BLOC1S5: variants seen among roughly 807,000 people sequenced by gnomAD.
BLOC1S5 encodes biogenesis of lysosome-related organelles complex 1 subunit 5.
In BLOC1S5, 27 loss-of-function variants were observed where a neutral mutation model predicts 24.3. The ratio of observed to expected loss-of-function variants is 1.11; its 90% CI spans 0.82 to 1.53. The LOEUF is 1.53. Ranked by LOEUF, BLOC1S5 falls within the 40% of genes most tolerant of loss-of-function variation. BLOC1S5 has a pLI of 0.00. For missense variants in BLOC1S5, 239 were observed against 229.4 expected, an observed-to-expected ratio of 1.04 and a Z score of -0.27; for synonymous variants, 84 against 74.5, an observed-to-expected ratio of 1.13 and a Z score of -0.66.
At chr6:8,019,781 A>G (rs749553286) in intron 4 of BLOC1S5, among the ~76,000 whole-genome samples, 4 of 152,238 alleles carry the variant, frequency 2.6e-5, no homozygotes, top group African/African-American at 7.2e-5. Context: ...AATACTGCAC[A>G]TGAAAAGCCC....
chr6:8,014,166 A>G lies in BLOC1S5; in HGVS notation c.*1483T>C, dbSNP rs1367868090. The G allele has an allele frequency of 6.6e-6, 1 of 152,240 alleles. No homozygotes were observed. The highest frequency in any genetic ancestry group is 2.4e-5 in the African/African-American group (1 of 41,460). The allele number at this position is 152,240 out of a possible 1,614,324, so 9.4% of individuals were successfully genotyped here. A position where few individuals can be genotyped will look rare whatever the true frequency, so the allele number is the denominator to read the frequency against. On this transcript the variant is annotated 3_prime_UTR_variant, in exon 5 of 5. Transcript: ENST00000397457. ...TCTTTACTAAAGAGCAATAAAAAATATGTGAAAGATTTATCCATACCTCAA... is the reference window on the plus strand; with the variant it reads ...TCTTTACTAAAGAGCAATAAAAAATGTGTGAAAGATTTATCCATACCTCAA...
chr6:8,043,186 C>T (rs958968604), intron 2 of BLOC1S5, among the ~76,000 whole-genome samples: 19 of 152,108 alleles, frequency 1.2e-4, no homozygotes, highest in African/African-American at 3.1e-4. Context: ...AGAGCAAAAC[C>T]ACCCTCCCTG....
In BLOC1S5 at chr6:8,015,345, T is replaced by G. The variant is rs965940004; in HGVS notation, c.*304A>C. ...CTTTCTAAGAAGTCTATACCTACAG[T>G]TCTCTGAGCTAATCAATGGAAAAGA... On this transcript the variant is annotated 3_prime_UTR_variant, in exon 5 of 5. Coordinates refer to ENST00000397457, the MANE Select transcript of BLOC1S5 (RefSeq NM_201280.3). The G allele has an allele frequency of 3.7e-6, 1 of 271,014 alleles. No homozygotes were observed. The highest frequency in any genetic ancestry group is 7.4e-5 in the East Asian group (1 of 13,468). 16.8% of individuals were successfully genotyped at this position (271,014 alleles called of 1,614,324 possible).
At chr6:8,027,451 T>C (rs1473861607) in intron 3 of BLOC1S5, 1 of 456,628 alleles carries the variant, frequency 2.2e-6, no homozygotes, top group African/African-American at 2.0e-5. Context: ...TGACATAAAA[T>C]TTAAATGAGA....
intron 4 of BLOC1S5, among the ~76,000 whole-genome samples, chr6:8,025,406 A>G (rs1036976000): frequency 1.3e-5 from 2 of 152,204 alleles, no homozygotes; most frequent in Non-Finnish European, 2.9e-5. Context: ...CCCTGACCAC[A>G]GCTCTGCCTT....
intron 2 of BLOC1S5, among the ~76,000 whole-genome samples, chr6:8,044,546 C>G (rs1763810057): frequency 6.6e-6 from 1 of 152,036 alleles, no homozygotes; most frequent in African/African-American, 2.4e-5. Flanking sequence ...TTGGAGGGCT[C>G]AGAAGAAGAC....
intron 4 of BLOC1S5, among the ~76,000 whole-genome samples, chr6:8,019,913 G>C (rs1762865064): frequency 6.6e-6 from 1 of 152,134 alleles, no homozygotes; most frequent in Non-Finnish European, 1.5e-5. Flanking sequence ...CTGATAATAA[G>C]GGAAGAATAA....
chr6:8,027,295 T>G (rs1171843650), intron 3 of BLOC1S5: 2 of 455,626 alleles, frequency 4.4e-6, no homozygotes, highest in Non-Finnish European at 8.8e-6. Flanking sequence ...CTTGGGCATG[T>G]TTGCTCGCTC....
intron 2 of BLOC1S5, among the ~76,000 whole-genome samples, chr6:8,048,330 G>C (rs889967422): frequency 3.2e-4 from 49 of 152,284 alleles, no homozygotes; most frequent in African/African-American, 1.0e-3. Flanking sequence ...ACCTCCCACT[G>C]GGATGTAGAA....
intron 2 of BLOC1S5, among the ~76,000 whole-genome samples, chr6:8,045,756 C>T (rs571859358): frequency 5.9e-5 from 9 of 152,164 alleles, no homozygotes; most frequent in Admixed American, 2.0e-4. Context: ...ACTGTAATCC[C>T]TTTGTTTTGG....
intron 2 of BLOC1S5, among the ~76,000 whole-genome samples, chr6:8,054,669 G>C (rs1764252952): frequency 6.6e-6 from 1 of 152,190 alleles, no homozygotes; most frequent in Admixed American, 6.5e-5. Flanking sequence ...CATTTTGTCT[G>C]GATGCCCAGA....
Position 8,062,485 on chromosome 6 carries a change from A to T in BLOC1S5, c.195+49T>A, listed in dbSNP as rs752624365. The T allele has an allele frequency of 2.6e-6, 3 of 1,158,768 alleles. No individual in the cohort carries two copies. The South Asian group carries it at 4.3e-5, about 17-fold the overall frequency. 71.8% of individuals were successfully genotyped at this position (1,158,768 alleles called of 1,614,324 possible). A position where few individuals can be genotyped will look rare whatever the true frequency, so the allele number is the denominator to read the frequency against. ...GGGAATTTCTCTTCTGTATAATAACACACTAACAATTAGGGAAGTACTTTT... is the reference window on the plus strand; with the variant it reads ...GGGAATTTCTCTTCTGTATAATAACTCACTAACAATTAGGGAAGTACTTTT... On this transcript the variant is annotated intron_variant, in intron 2 of 4. Coordinates refer to ENST00000397457, the MANE Select transcript of BLOC1S5 (RefSeq NM_201280.3).
At chr6:8,037,569 C>T (rs1409997590) in intron 3 of BLOC1S5, among the ~76,000 whole-genome samples, 1 of 152,112 alleles carries the variant, frequency 6.6e-6, no homozygotes, top group East Asian at 1.9e-4. Context: ...AGGCTCAATG[C>T]AATCCCTATC....
chr6:8,029,355 C>G (rs1763217403), intron 3 of BLOC1S5, among the ~76,000 whole-genome samples: 1 of 152,166 alleles, frequency 6.6e-6, no homozygotes, highest in Non-Finnish European at 1.5e-5. Flanking sequence ...CTTCCCCAAC[C>G]TGCCTTGGCA....
At chr6:8,055,794 C>A (rs1440777024) in intron 2 of BLOC1S5, among the ~76,000 whole-genome samples, 1 of 152,186 alleles carries the variant, frequency 6.6e-6, no homozygotes, top group Non-Finnish European at 1.5e-5. Flanking sequence ...CTAGCACCTA[C>A]TCCTAAGTTG....
chr6:8,044,281 C>T (rs1353210979), intron 2 of BLOC1S5, among the ~76,000 whole-genome samples: 2 of 47,472 alleles, frequency 4.2e-5, no homozygotes, highest in Admixed American at 2.8e-4. Flanking sequence ...AAGACTCTGT[C>T]TCAAAAAAAA....
intron 2 of BLOC1S5, among the ~76,000 whole-genome samples, chr6:8,057,256 C>A (rs563104085): frequency 6.6e-5 from 10 of 151,932 alleles, no homozygotes; most frequent in South Asian, 4.2e-4. Flanking sequence ...GACAAAAAAA[C>A]CCCAAAAAAC....
intron 3 of BLOC1S5, among the ~76,000 whole-genome samples, chr6:8,033,125 T>A (rs139772497): frequency 6.6e-6 from 1 of 152,108 alleles, no homozygotes; most frequent in Non-Finnish European, 1.5e-5. Context: ...TGGAAAAAAC[T>A]ACTTTAAACT....
At chr6:8,016,604 C>T (rs902159969) in intron 4 of BLOC1S5, among the ~76,000 whole-genome samples, 1 of 151,784 alleles carries the variant, frequency 6.6e-6, no homozygotes, top group Non-Finnish European at 1.5e-5. Context: ...GAGTGGCTCG[C>T]ACCTGTAATC....
Sources: gnomAD v4.1 joint callset for allele counts (sites outside exome capture counted in the v4.1 genomes callset) on GRCh38, gnomAD v4.1.1 for gene constraint, MANE v1.5 for transcripts, NCBI Gene and HGNC (gene_info 2026-07-23, HGNC 2026-07-21) for gene names.